The following RSBN1L variants were observed in gnomAD, a reference collection of about 807,000 sequenced individuals.
The protein encoded by RSBN1L is lysine-specific demethylase RSBN1L.
In RSBN1L, 30 loss-of-function variants were observed where a neutral mutation model predicts 67.7. The observed-to-expected ratio is 0.44, with a 90% confidence interval of 0.33 to 0.60. RSBN1L has a LOEUF of 0.60. RSBN1L is among the 20% of genes least tolerant of loss of function. The pLI is 0.02. For synonymous variants in RSBN1L, 433 were observed against 387.0 expected, an observed-to-expected ratio of 1.12 and a Z score of -1.39; for missense variants, 992 against 1,031.7, an observed-to-expected ratio of 0.96 and a Z score of 0.53.
At chr7:77,714,354 C>T (rs1439803857) in intron 1 of RSBN1L, among the ~76,000 whole-genome samples, 1 of 152,162 alleles carries the variant, frequency 6.6e-6, no homozygotes, top group Non-Finnish European at 1.5e-5. Context: ...AAAGTTCTCT[C>T]TTGCTACTCA....
chr7:77,740,278 CCAGGCA>C (rs1315189343), intron 2 of RSBN1L, among the ~76,000 whole-genome samples: 2 of 151,996 alleles, frequency 1.3e-5, no homozygotes, highest in South Asian at 4.1e-4. Flanking sequence ...GCATTATGTT[CCAGGCA>C]TTTTTATGTT....
At chr7:77,727,600 C>T (rs550531878) in intron 1 of RSBN1L, among the ~76,000 whole-genome samples, 1 of 151,800 alleles carries the variant, frequency 6.6e-6, no homozygotes, top group East Asian at 1.9e-4. Flanking sequence ...GCCTGTCCCA[C>T]CTTACTCAGC....
rs1791948861 is a variant in RSBN1L, at chr7:77,778,516, T to C, written c.1903-14T>C. 1.9e-6 allele frequency: 3 copies of C among 1,597,940 alleles called. No homozygotes were observed. Among genetic ancestry groups the C allele is most frequent in the East Asian group, 4.5e-5 (2 of 44,684 alleles). ...AAGAGAGTTATTTGTATTTCTTGTT[T>C]TATTATTTTTTAGTGTGTCCAATGG... is the stretch of plus-strand genomic sequence containing the variant. On this transcript the variant is annotated splice_polypyrimidine_tract_variant and intron_variant, in intron 7 of 7. Transcript: ENST00000334955.
intron 1 of RSBN1L, among the ~76,000 whole-genome samples, chr7:77,720,330 G>T (rs1791098751): frequency 6.6e-6 from 1 of 152,152 alleles, no homozygotes. Flanking sequence ...GGAGGCCAAG[G>T]TGGGTGGATC....
chr7:77,751,652 C>T (rs1791557931), intron 3 of RSBN1L, among the ~76,000 whole-genome samples: 1 of 152,182 alleles, frequency 6.6e-6, no homozygotes, highest in Non-Finnish European at 1.5e-5. Context: ...ATAGTGTTTA[C>T]TATTTATTGA....
intron 2 of RSBN1L, among the ~76,000 whole-genome samples, chr7:77,740,598 A>G (rs1168968433): frequency 1.3e-5 from 2 of 152,362 alleles, no homozygotes; most frequent in Admixed American, 6.5e-5. Flanking sequence ...GGGAGAGAGA[A>G]AGATAGATAT....
At chr7:77,750,169 T>TA (rs1791536097) in intron 3 of RSBN1L, 105 bp downstream of exon 3, 1 of 609,428 alleles carries the variant, frequency 1.6e-6, no homozygotes. Flanking sequence ...GGTAAGAATA[T>TA]AATGAAACCA....
At chr7:77,700,629 T>A (rs1249672968) in intron 1 of RSBN1L, among the ~76,000 whole-genome samples, 1 of 152,244 alleles carries the variant, frequency 6.6e-6, no homozygotes, top group Non-Finnish European at 1.5e-5. Context: ...AAATTCATAT[T>A]CAGAGTTTTT....
At chr7:77,714,220 C>T (rs1366187047) in intron 1 of RSBN1L, among the ~76,000 whole-genome samples, 1 of 152,070 alleles carries the variant, frequency 6.6e-6, no homozygotes, top group African/African-American at 2.4e-5. Flanking sequence ...CTTTTTGAAA[C>T]ATTATTGAAT....
chr7:77,774,023 T>C (rs117828370), intron 6 of RSBN1L, among the ~76,000 whole-genome samples: 1,873 of 152,312 alleles, frequency 0.012, 17 homozygotes, highest in Middle Eastern at 0.034. Context: ...AGTTAATAAA[T>C]GGTAGAGCTG....
intron 1 of RSBN1L, among the ~76,000 whole-genome samples, chr7:77,723,416 AAAT>A (rs1242561244): frequency 1.3e-5 from 2 of 152,182 alleles, no homozygotes; most frequent in African/African-American, 4.8e-5. Context: ...TAAGCCTAAT[AAAT>A]AATGTATGTG....
chr7:77,768,912 G>A, intron 5 of RSBN1L, 109 bp downstream of exon 5: 2 of 885,638 alleles, frequency 2.3e-6, no homozygotes, highest in East Asian at 2.5e-5. Context: ...GAGCATAATT[G>A]GAATATAAAT....
intron 1 of RSBN1L, among the ~76,000 whole-genome samples, chr7:77,713,163 T>A (rs886323152): frequency 2.0e-5 from 3 of 152,300 alleles, no homozygotes; most frequent in African/African-American, 2.4e-5. Context: ...TTTCTTTTTT[T>A]AAAAATTGAT....
In RSBN1L at chr7:77,768,652, T is replaced by C; in HGVS notation, c.1483-9T>C. 9 of 1,607,948 alleles carry C rather than the reference T, an allele frequency of 5.6e-6. No individual in the cohort carries two copies. Among genetic ancestry groups the C allele is most frequent in the Non-Finnish European group, 7.7e-6 (9 of 1,176,460 alleles). Reference sequence around the variant, plus strand: ...AATAATTGCAATCTGCATAATTATTTATCTCCAGTGTACACTGCCATGGGG... The same window carrying C: ...AATAATTGCAATCTGCATAATTATTCATCTCCAGTGTACACTGCCATGGGG... On this transcript the variant is annotated splice_polypyrimidine_tract_variant and intron_variant, in intron 4 of 7. Transcript: ENST00000334955.
chr7:77,715,591 G>A (rs148004228), intron 1 of RSBN1L, among the ~76,000 whole-genome samples: 6 of 152,170 alleles, frequency 3.9e-5, no homozygotes, highest in Admixed American at 2.0e-4. Flanking sequence ...TTACAGGCAC[G>A]ACACTGTGCC....
At chr7:77,734,047 A>G (rs555724893) in intron 1 of RSBN1L, among the ~76,000 whole-genome samples, 9 of 152,270 alleles carry the variant, frequency 5.9e-5, no homozygotes, top group East Asian at 1.9e-4. Flanking sequence ...AATTGCTTCA[A>G]CCCGGGAGGT....
chr7:77,726,545 A>G (rs1265103066), intron 1 of RSBN1L, among the ~76,000 whole-genome samples: 1 of 152,146 alleles, frequency 6.6e-6, no homozygotes, highest in African/African-American at 2.4e-5. Context: ...CGAAAAATTT[A>G]TAGTAAGAAG....
At chr7:77,697,631 C>G (rs1397930413) in intron 1 of RSBN1L, among the ~76,000 whole-genome samples, 1 of 152,086 alleles carries the variant, frequency 6.6e-6, no homozygotes, top group Non-Finnish European at 1.5e-5. Flanking sequence ...CTCCCTGCAC[C>G]CTACTCTCCG....
intron 2 of RSBN1L, among the ~76,000 whole-genome samples, chr7:77,748,610 G>T (rs547730022): frequency 6.6e-6 from 1 of 151,832 alleles, no homozygotes; most frequent in Non-Finnish European, 1.5e-5. Context: ...TCAGCCTCCC[G>T]GGTAGCTGGG....
Sources: allele counts gnomAD v4.1 joint callset (sites outside exome capture counted in the v4.1 genomes callset), GRCh38; gene constraint gnomAD v4.1.1; transcripts MANE v1.5; gene names NCBI Gene and HGNC (gene_info 2026-07-23, HGNC 2026-07-21).